The following CASK variants were observed in gnomAD, a reference collection of about 807,000 sequenced individuals.
CASK encodes peripheral plasma membrane protein CASK.
CASK carries 4 observed loss-of-function variants against 82.9 expected under a neutral mutation model. The observed-to-expected ratio is 0.05, with a 90% CI of 0.02 to 0.11. The LOEUF (loss-of-function observed/expected upper bound fraction) is 0.11. CASK is among the 10% of genes least tolerant of loss of function. CASK has a pLI of 1.00. For synonymous variants in CASK, 259 were observed against 253.5 expected, an observed-to-expected ratio of 1.02 and a Z score of -0.20; for missense variants, 358 against 720.9, an observed-to-expected ratio of 0.50 and a Z score of 5.76.
intron 3 of CASK, among the ~76,000 whole-genome samples, chrX:41,754,705 T>A (rs1364388986): frequency 4.5e-5 from 5 of 110,987 alleles, no homozygotes; most frequent in Non-Finnish European, 9.4e-5. Context: ...AAACTTTATG[T>A]CACAAATTTA....
chrX:41,815,905 G>T (rs1386370768), intron 2 of CASK, among the ~76,000 whole-genome samples: 1 of 111,805 alleles, frequency 8.9e-6, no homozygotes, highest in Non-Finnish European at 1.9e-5. Context: ...CTGTTGCCCA[G>T]TATGGAGTGC....
chrX:41,583,584 G>A (rs1234523011), intron 14 of CASK, among the ~76,000 whole-genome samples: 1 of 108,608 alleles, frequency 9.2e-6, no homozygotes, highest in African/African-American at 3.4e-5. Flanking sequence ...CTACAGGTGT[G>A]TGCTACCACG....
At chrX:41,693,434 T>A (rs1398478009) in intron 5 of CASK, among the ~76,000 whole-genome samples, 3 of 110,466 alleles carry the variant, frequency 2.7e-5, no homozygotes, top group African/African-American at 9.9e-5. Context: ...GCCAACGTGG[T>A]GAAACCCCAT....
At chrX:41,563,249 C>G (rs2065257323) in intron 16 of CASK, among the ~76,000 whole-genome samples, 1 of 100,755 alleles carries the variant, frequency 9.9e-6, no homozygotes, top group Non-Finnish European at 2.0e-5. Flanking sequence ...AGTCCTAACT[C>G]AGGAGTCTGA....
chrX:41,897,376 T>C (rs2072287946), intron 1 of CASK, among the ~76,000 whole-genome samples: 1 of 112,145 alleles, frequency 8.9e-6, no homozygotes, highest in Admixed American at 9.4e-5. Flanking sequence ...ATGGTTTTTG[T>C]ACTTTATTCT....
intron 25 of CASK, among the ~76,000 whole-genome samples, chrX:41,526,951 C>T (rs186464396): frequency 2.2e-4 from 25 of 111,297 alleles, no homozygotes; most frequent in African/African-American, 6.5e-4. Context: ...GCACTACTTA[C>T]GGGTCTCAAG....
At chrX:41,556,646 G>A (rs915053550) in intron 19 of CASK, among the ~76,000 whole-genome samples, 2 of 111,883 alleles carry the variant, frequency 1.8e-5, no homozygotes, top group African/African-American at 6.5e-5. Context: ...CAAAGCCCAA[G>A]AATACCCAAA....
intron 8 of CASK, among the ~76,000 whole-genome samples, chrX:41,641,793 G>A (rs1469019170): frequency 5.5e-5 from 6 of 109,716 alleles, no homozygotes; most frequent in Admixed American, 3.9e-4. Flanking sequence ...TGTGCACAAC[G>A]TGCAGGTTTG....
At chrX:41,846,788 G>A (rs2071165090) in intron 2 of CASK, among the ~76,000 whole-genome samples, 1 of 111,620 alleles carries the variant, frequency 9.0e-6, no homozygotes, top group African/African-American at 3.3e-5. Flanking sequence ...ACTACGTTTA[G>A]TATTCCTTGT....
At chrX:41,606,542 C>T (rs1478674451) in intron 12 of CASK, among the ~76,000 whole-genome samples, 1 of 110,676 alleles carries the variant, frequency 9.0e-6, no homozygotes, top group Non-Finnish European at 1.9e-5. Flanking sequence ...CGTGAGTCAC[C>T]GTACCTGGCC....
At position 41,607,395 on chromosome X, in the gene CASK, AAAG is replaced by A. The variant is rs1472507989; in HGVS notation, c.1155+2506_1155+2508del. On this transcript the variant is annotated intron_variant, in intron 12 of 26. Coordinates refer to ENST00000378163, the MANE Select transcript of CASK (RefSeq NM_001367721.1). ...TTTGTTACAAAAAGTCCTTGATTCA[AAAG>A]AAGGTCAGTAAATCTACCTGGCAAT... Among the ~76,000 whole-genome samples, 24 of 112,482 alleles carry A rather than the reference AAAG, an allele frequency of 2.1e-4. 1 individual carries two copies. The highest frequency in any genetic ancestry group is 1.5e-3 in the Admixed American group (16 of 10,594).
chrX:41,841,328 T>C (rs1189845731), intron 2 of CASK, among the ~76,000 whole-genome samples: 3 of 111,485 alleles, frequency 2.7e-5, no homozygotes, highest in Non-Finnish European at 5.6e-5. Context: ...CATGTGTTTA[T>C]TGACCATTTG....
At chrX:41,896,282 A>ACAAG (rs1347083238) in intron 1 of CASK, among the ~76,000 whole-genome samples, 1 of 112,190 alleles carries the variant, frequency 8.9e-6, no homozygotes, top group African/African-American at 3.2e-5. Context: ...CCATCACTGA[A>ACAAG]CAAGCCACAG....
chrX:41,865,537 C>T (rs1402308545), intron 1 of CASK, among the ~76,000 whole-genome samples: 2 of 111,866 alleles, frequency 1.8e-5, no homozygotes, highest in Non-Finnish European at 3.8e-5. Flanking sequence ...TCTGATTCAA[C>T]TGGGTATTGG....
intron 14 of CASK, among the ~76,000 whole-genome samples, chrX:41,580,839 C>A (rs2065565289): frequency 8.9e-6 from 1 of 112,194 alleles, no homozygotes; most frequent in Non-Finnish European, 1.9e-5. Context: ...AAATAGCTGT[C>A]AGTTTTAACT....
At chrX:41,851,509 A>C (rs940022649) in intron 2 of CASK, among the ~76,000 whole-genome samples, 1 of 111,840 alleles carries the variant, frequency 8.9e-6, no homozygotes, top group African/African-American at 3.2e-5. Flanking sequence ...TCTGTAGCTC[A>C]AGAGATCTGG....
chrX:41,612,640 T>G (rs1602347372), intron 11 of CASK, among the ~76,000 whole-genome samples: 3 of 75,614 alleles, frequency 4.0e-5, no homozygotes, highest in African/African-American at 5.2e-5. Context: ...AGCCGCCCCG[T>G]CCGGGAGGGA....
chrX:41,710,081 T>TTG (rs57963407), intron 5 of CASK, among the ~76,000 whole-genome samples: 7,519 of 72,005 alleles, frequency 0.1, 359 homozygotes, highest in African/African-American at 0.15. Flanking sequence ...GGTATAGATT[T>TTG]TGTGTGTGTG....
chrX:41,765,686 C>A (rs1342410299), intron 3 of CASK, among the ~76,000 whole-genome samples: 1 of 111,080 alleles, frequency 9.0e-6, no homozygotes, highest in Non-Finnish European at 1.9e-5. Flanking sequence ...AAATCATATA[C>A]ATATCTTCTC....
Sources: allele counts gnomAD v4.1 joint callset (sites outside exome capture counted in the v4.1 genomes callset), GRCh38; gene constraint gnomAD v4.1.1; transcripts MANE v1.5; gene names NCBI Gene and HGNC (gene_info 2026-07-23, HGNC 2026-07-21).